BLNK: variants seen among roughly 807,000 people sequenced by gnomAD.
The protein encoded by BLNK is B cell linker, also known as B-cell linker protein.
Under a neutral mutation model 73.5 loss-of-function variants are expected in BLNK, and 29 were observed. The ratio of observed to expected loss-of-function variants is 0.39; its 90% CI spans 0.29 to 0.54. The LOEUF is 0.54. BLNK is among the 20% of genes least tolerant of loss of function. The pLI is 0.61. For synonymous variants in BLNK, 176 were observed against 200.8 expected (o/e 0.88, Z 1.04); for missense variants, 460 against 562.8 (o/e 0.82, Z 1.85).
rs376511549 is a variant in BLNK, at chr10:96,207,846, C to A, written c.774+26G>T. ...AATAAACACTGCAGGAAATATGAAG[C>A]ACTTTTAAATGCAAAATTAACTTAC... On this transcript the variant is annotated intron_variant, in intron 10 of 16. Transcript: ENST00000224337. 3.2e-5 allele frequency: 52 copies of A among 1,613,190 alleles called. No individual in the cohort carries two copies. In the African/African-American group the frequency reaches 6.7e-4, roughly 21 times the overall value.
intron 6 of BLNK, among the ~76,000 whole-genome samples, chr10:96,221,380 T>G (rs587721018): frequency 3.9e-5 from 6 of 152,366 alleles, no homozygotes; most frequent in African/African-American, 1.2e-4. Context: ...TTAAACACTT[T>G]TATTTATGCT....
chr10:96,215,477 AG>A, intron 7 of BLNK, 88 bp from the exon 8 acceptor site: 1 of 1,289,064 alleles, frequency 7.8e-7, no homozygotes, highest in African/African-American at 1.5e-5. Flanking sequence ...ATTCACACTC[AG>A]GGAAAAATGA....
chr10:96,200,313 A>T lies in BLNK; in HGVS notation c.1012-155T>A, dbSNP rs17232045. Among the ~76,000 whole-genome samples, 1 of 152,094 alleles carries T rather than the reference A, an allele frequency of 6.6e-6. No individual in the cohort carries two copies. The highest frequency in any genetic ancestry group is 1.5e-5 in the Non-Finnish European group (1 of 68,016). Reference sequence around the variant, plus strand: ...AGTTTTATTTTTCCTTTGATCAAACACAAGGATTATACCGTTAACTTGTTT... The same window carrying T: ...AGTTTTATTTTTCCTTTGATCAAACTCAAGGATTATACCGTTAACTTGTTT... On this transcript the variant is annotated intron_variant, in intron 14 of 16. Transcript: ENST00000224337. The surrounding 1 kb of genome is among the most constrained non-coding windows in gnomAD (Gnocchi z 4.3).
chr10:96,235,830 G>C (rs74457027), intron 3 of BLNK, among the ~76,000 whole-genome samples: 2,587 of 152,202 alleles, frequency 0.017, 93 homozygotes, highest in African/African-American at 0.058. Flanking sequence ...AGGCAGATGT[G>C]TGCAGAATGA....
chr10:96,207,125 T>C, intron 10 of BLNK, 72 bp from the exon 11 acceptor site: 1 of 1,372,420 alleles, frequency 7.3e-7, no homozygotes, highest in Admixed American at 1.8e-5. Context: ...AGCAATATTA[T>C]TAAAATAAAT....
intron 1 of BLNK, among the ~76,000 whole-genome samples, chr10:96,267,243 G>A (rs1017921109): frequency 2.5e-4 from 38 of 152,298 alleles, no homozygotes; most frequent in African/African-American, 9.1e-4. Context: ...AACAAACATA[G>A]GGGACATGGG....
intron 3 of BLNK, among the ~76,000 whole-genome samples, chr10:96,235,811 A>G (rs1232091364): frequency 6.6e-6 from 1 of 152,112 alleles, no homozygotes; most frequent in Non-Finnish European, 1.5e-5. Context: ...CCCCAGAAGC[A>G]GGGCTTAGAG....
intron 13 of BLNK, among the ~76,000 whole-genome samples, chr10:96,201,288 T>C (rs1306566385): frequency 6.6e-6 from 1 of 152,136 alleles, no homozygotes; most frequent in Non-Finnish European, 1.5e-5. Flanking sequence ...TGAAACCCAA[T>C]TTTCCTCATG....
chr10:96,197,848 G>A (rs961223307), intron 15 of BLNK, among the ~76,000 whole-genome samples: 7 of 150,850 alleles, frequency 4.6e-5, no homozygotes, highest in Middle Eastern at 3.2e-3. Flanking sequence ...CCCAGGAGAC[G>A]GAGTTTGCAG....
intron 3 of BLNK, among the ~76,000 whole-genome samples, chr10:96,239,465 A>C (rs1199850531): frequency 6.6e-6 from 1 of 152,202 alleles, no homozygotes; most frequent in Non-Finnish European, 1.5e-5. Flanking sequence ...TCTTGTTAGC[A>C]ATGTAGAGCC....
chr10:96,220,743 GA>G (rs35382017), intron 6 of BLNK, among the ~76,000 whole-genome samples: 53,521 of 151,962 alleles, frequency 0.35, 10,129 homozygotes, highest in South Asian at 0.48. Context: ...ACAGGTATTA[GA>G]AATCCTTCTT....
chr10:96,243,848 C>T (rs1288595785), intron 2 of BLNK, among the ~76,000 whole-genome samples: 1 of 151,882 alleles, frequency 6.6e-6, no homozygotes, highest in Non-Finnish European at 1.5e-5. Context: ...ATAATTATTA[C>T]CCATTTTAAC....
chr10:96,195,402 A>C (rs1238361921), intron 16 of BLNK, among the ~76,000 whole-genome samples: 2 of 152,244 alleles, frequency 1.3e-5, no homozygotes, highest in Non-Finnish European at 2.9e-5. Context: ...AAGAGGTAGA[A>C]GCAACACAAA....
rs587646211 is a variant in BLNK at position 96,227,334 on chromosome 10, C to T, written c.361+76G>A. ...CTCAAGCAGCAGCCAGGTTTGTCCC[C>T]ACCCCGCAATCTTGGACACCCCCAC... On this transcript the variant is annotated intron_variant, in intron 5 of 16. Coordinates refer to ENST00000224337, the MANE Select transcript of BLNK (RefSeq NM_013314.4). 6 of 1,573,824 alleles carry T rather than the reference C, an allele frequency of 3.8e-6. No homozygotes were observed. In the African/African-American group the frequency reaches 6.7e-5, roughly 18 times the overall value.
intron 1 of BLNK, among the ~76,000 whole-genome samples, chr10:96,264,511 A>G (rs1170228676): frequency 6.6e-6 from 1 of 152,192 alleles, no homozygotes; most frequent in African/African-American, 2.4e-5. Context: ...TCCTCTCATC[A>G]TTCCTAATAT....
chr10:96,267,597 C>T (rs1226397888), intron 1 of BLNK, among the ~76,000 whole-genome samples: 2 of 152,170 alleles, frequency 1.3e-5, no homozygotes, highest in Non-Finnish European at 2.9e-5. Flanking sequence ...CAGTGAGACC[C>T]CTACCAGGAA....
At position 96,192,018 on chromosome 10, in the gene BLNK, G is replaced by A. The variant is rs931320409; in HGVS notation, c.1326C>T (p.Asn442=). ...ACTTCAGTCTGGTGGAATCTTTTGT[G>A]TTATTCTGACTGTCAATAAGAACCA... The part of the protein sequence containing the change: ...SPLVLIDSQN[N]TKDSTRLKYA... Residue 442 remains asparagine, a synonymous_variant, in exon 17 of 17, where the codon AAC becomes AAT. Coordinates refer to ENST00000224337, the MANE Select transcript of BLNK (RefSeq NM_013314.4). The A allele has an allele frequency of 6.2e-7, 1 of 1,613,638 alleles. No homozygotes were observed. Among genetic ancestry groups the A allele is most frequent in the Middle Eastern group, 1.7e-4 (1 of 6,056 alleles).
At chr10:96,251,320 C>G (rs951331195) in intron 1 of BLNK, among the ~76,000 whole-genome samples, 2 of 152,182 alleles carry the variant, frequency 1.3e-5, no homozygotes, top group Non-Finnish European at 2.9e-5. Flanking sequence ...CTAGTATTGG[C>G]CATTTCATTT....
chr10:96,208,288 C>T (rs2083869229), intron 9 of BLNK, among the ~76,000 whole-genome samples: 1 of 152,104 alleles, frequency 6.6e-6, no homozygotes, highest in African/African-American at 2.4e-5. Context: ...CCCCTCTTCC[C>T]CAACAGCTCC....
Sources: allele counts gnomAD v4.1 joint callset (sites outside exome capture counted in the v4.1 genomes callset), GRCh38; gene constraint gnomAD v4.1.1; non-coding constraint Gnocchi (gnomAD v3.1); transcripts MANE v1.5; gene names NCBI Gene and HGNC (gene_info 2026-07-23, HGNC 2026-07-21).